ADGRF1: variants seen among roughly 807,000 people sequenced by gnomAD.
ADGRF1 encodes the protein adhesion G protein-coupled receptor F1, also known as G protein-coupled receptor 110.
ADGRF1 carries 85 observed loss-of-function variants against 87.2 expected under a neutral mutation model. That is an observed-to-expected ratio of 0.97 (90% CI 0.82 to 1.17). ADGRF1 has a LOEUF of 1.17. Ranked by LOEUF, ADGRF1 falls within the 50% of genes most tolerant of loss-of-function variation. The pLI is 0.00. For synonymous variants in ADGRF1, 430 were observed against 408.8 expected, an observed-to-expected ratio of 1.05 and a Z score of -0.63; for missense variants, 1,169 against 1,077.2, an observed-to-expected ratio of 1.09 and a Z score of -1.19.
chr6:47,005,885 G>A lies in ADGRF1; in HGVS notation c.2533-9C>T, dbSNP rs754506317. ...AACAGAAGTTGTCGCAGCTATAAGG[G>A]CAACAAAGAAATATTGAGGAGATAC... On this transcript the variant is annotated splice_polypyrimidine_tract_variant and intron_variant, in intron 12 of 14. Coordinates refer to ENST00000371253, the MANE Select transcript of ADGRF1 (RefSeq NM_153840.4). The A allele has an allele frequency of 5.5e-5, 88 of 1,603,912 alleles. 1 individual carries two copies. In the Admixed American group the frequency reaches 5.7e-4, roughly 10 times the overall value.
chr6:47,012,420 G>C (rs1478711522), intron 9 of ADGRF1: 1 of 736,154 alleles, frequency 1.4e-6, no homozygotes, highest in Admixed American at 4.3e-5. Flanking sequence ...AACATCCTTT[G>C]AGGGAGGTAC....
rs925447236 is a variant in ADGRF1, at chr6:47,005,821, T to C, written c.2588A>G (p.Glu863Gly). The change falls in exon 13 of 15, where the codon GAA becomes GGA. Residue 863 changes from glutamate to glycine, a missense_variant. Transcript: ENST00000371253. ...LSALSSWKQT[E>G]KQNSSDLSAK... ...ATGGCAGTAGGAGATAATTACCTTT[T>C]CTGTTTGCTTCCAAGAACTTAAGGC... 1.9e-6 allele frequency: 3 copies of C among 1,609,858 alleles called. No homozygotes were observed. The African/African-American group carries it at 4.0e-5, about 22-fold the overall frequency.
In ADGRF1 at chr6:47,010,050, C is replaced by A. The variant is rs45461593; in HGVS notation, c.1385G>T (p.Gly462Val). Residue 462 changes from glycine to valine, a missense_variant, in exon 11 of 15, where the codon GGC becomes GTC. Gly to Val is a moderately radical substitution (Grantham distance 109). Transcript: ENST00000371253. ...CPQNTSIPIR[G>V]RVLIGSDQFQ... ...TTGGTCTGACCCAATTAACACACGG[C>A]CTCTGATGGGAATAGATGTATTTTG... is the stretch of plus-strand genomic sequence containing the variant. 1 of 1,613,948 alleles carries A rather than the reference C, an allele frequency of 6.2e-7. No homozygotes were observed. The highest frequency in any genetic ancestry group is 8.5e-7 in the Non-Finnish European group (1 of 1,180,028).
Position 47,005,871 on chromosome 6 carries a change from T to A in ADGRF1, c.2538A>T (p.Arg846=). 1 of 1,611,228 alleles carries A rather than the reference T, an allele frequency of 6.2e-7. No individual in the cohort carries two copies. ...CAGACAACTTGTTGAACAGAAGTTG[T>A]CGCAGCTATAAGGGCAACAAAGAAA... ...CFGILLDSKL[R]QLLFNKLSAL... is the part of the protein sequence containing the mutation. Residue 846 remains arginine (R), a synonymous_variant, in exon 13 of 15, where the codon CGA becomes CGT. Transcript: ENST00000371253.
chr6:47,035,248 C>A (rs1324324098), intron 1 of ADGRF1, among the ~76,000 whole-genome samples: 2 of 152,168 alleles, frequency 1.3e-5, no homozygotes, highest in African/African-American at 2.4e-5. Context: ...GCAAAAGATG[C>A]CAAGCTCTTT....
chr6:47,001,035 T>G (rs1276332483), intron 14 of ADGRF1, among the ~76,000 whole-genome samples: 2 of 152,376 alleles, frequency 1.3e-5, no homozygotes, highest in South Asian at 4.1e-4. Flanking sequence ...ACAGTGCTCT[T>G]TCACTCTTAG....
At chr6:47,035,493 T>C (rs1780563337) in intron 1 of ADGRF1, among the ~76,000 whole-genome samples, 1 of 152,236 alleles carries the variant, frequency 6.6e-6, no homozygotes, top group Non-Finnish European at 1.5e-5. Flanking sequence ...TACAAAGTGT[T>C]TTTAATAAGT....
At chr6:47,007,354 A>T in intron 11 of ADGRF1, 60 bp from the exon 12 acceptor site, 1 of 1,023,244 alleles carries the variant, frequency 9.8e-7, no homozygotes. Flanking sequence ...AAAAGAAAGC[A>T]TTTATATGTA....
chr6:47,020,691 A>T (rs748920183), intron 7 of ADGRF1, 40 bp downstream of exon 7: 1 of 1,606,836 alleles, frequency 6.2e-7, no homozygotes, highest in Non-Finnish European at 8.5e-7. Context: ...ACTGGTGCCC[A>T]ATTCTGGGGA....
chr6:47,020,659 A>G (rs1780020059), intron 7 of ADGRF1, 72 bp downstream of exon 7: 10 of 1,593,278 alleles, frequency 6.3e-6, no homozygotes, highest in Non-Finnish European at 8.6e-6. Context: ...TCACCTAAAA[A>G]CAGCACTCTG....
chr6:47,022,901 G>A (rs1173199326), intron 5 of ADGRF1, among the ~76,000 whole-genome samples: 1 of 150,342 alleles, frequency 6.7e-6, no homozygotes, highest in African/African-American at 2.5e-5. Context: ...AGTCTTCTGG[G>A]TTCAAGCAAT....
rs527374954 is a variant in ADGRF1, at chr6:47,016,723, A to G, written c.657T>C (p.Ser219=). The part of the protein sequence containing the change: ...VAGYEVVGSS[S]ASELLSAIEH... ...CAATGGCTGACAGCAGTTCAGATGCACTGCTGGAGCCAACAACTTCATACC... is the reference window on the plus strand; with the variant it reads ...CAATGGCTGACAGCAGTTCAGATGCGCTGCTGGAGCCAACAACTTCATACC... Residue 219 remains serine, a synonymous_variant, in exon 8 of 15, where the codon AGT becomes AGC. Transcript: ENST00000371253. The G allele has an allele frequency of 6.2e-7, 1 of 1,606,574 alleles. No homozygotes were observed. The highest frequency in any genetic ancestry group is 1.7e-5 in the Admixed American group (1 of 59,686).
intron 1 of ADGRF1, among the ~76,000 whole-genome samples, 197 bp downstream of exon 1, chr6:47,041,994 T>TGTCTCAC: frequency 6.6e-6 from 1 of 152,200 alleles, no homozygotes; most frequent in Non-Finnish European, 1.5e-5. Flanking sequence ...TCATTATAGT[T>TGTCTCAC]AGTAAGCGGG....
intron 9 of ADGRF1, 192 bp from the exon 10 acceptor site, chr6:47,012,387 C>G: frequency 1.0e-6 from 1 of 979,220 alleles, no homozygotes. Flanking sequence ...AGGTGCTTTA[C>G]CAGGGATTCA....
Position 47,008,023 on chromosome 6 carries a change from A to C in ADGRF1, c.2491-729T>G, listed in dbSNP as rs545163486. 7.2e-5 allele frequency among the ~76,000 whole-genome samples: 11 copies of C among 152,356 alleles called. No homozygotes were observed. The South Asian group carries it at 1.5e-3, about 20-fold the overall frequency. On this transcript the variant is annotated intron_variant, in intron 11 of 14. Coordinates refer to ENST00000371253, the MANE Select transcript of ADGRF1 (RefSeq NM_153840.4). Reference sequence around the variant, plus strand: ...CAGACAATGCGATAAGTGCTAAATTATCTCATTTAACCCTCACATTTATTT... The same window carrying C: ...CAGACAATGCGATAAGTGCTAAATTCTCTCATTTAACCCTCACATTTATTT...
intron 9 of ADGRF1, chr6:47,013,423 G>C: frequency 1.0e-6 from 1 of 985,432 alleles, no homozygotes; most frequent in Non-Finnish European, 1.2e-6. Context: ...ACAGTCCTCT[G>C]ATGAATACTA....
At chr6:47,016,365 A>C (rs908566006) in intron 8 of ADGRF1, among the ~76,000 whole-genome samples, 1 of 152,164 alleles carries the variant, frequency 6.6e-6, no homozygotes, top group African/African-American at 2.4e-5. Context: ...CACAGCCTGC[A>C]GTGAAGTCAG....
chr6:47,016,548 G>T, intron 8 of ADGRF1, 69 bp downstream of exon 8: 1 of 1,378,578 alleles, frequency 7.3e-7, no homozygotes, highest in Non-Finnish European at 9.5e-7. Context: ...TCTACTTCCT[G>T]AGGACACAAA....
intron 13 of ADGRF1, among the ~76,000 whole-genome samples, chr6:47,004,563 T>A (rs955573426): frequency 6.6e-6 from 1 of 152,156 alleles, no homozygotes; most frequent in Non-Finnish European, 1.5e-5. Context: ...GGAGAAAAAT[T>A]TTGACTTTCT....
Sources: gnomAD v4.1 joint callset for allele counts (sites outside exome capture counted in the v4.1 genomes callset) on GRCh38, gnomAD v4.1.1 for gene constraint, MANE v1.5 for transcripts, NCBI Gene and HGNC (gene_info 2026-07-23, HGNC 2026-07-21) for gene names.